Variants in LRRC36 observed in about 807,000 individuals in gnomAD.
LRRC36 encodes leucine rich repeat containing 36.
Under a neutral mutation model 81.1 loss-of-function variants are expected in LRRC36, and 62 were observed. That is an observed-to-expected ratio of 0.76 (90% confidence interval 0.62 to 0.94). The LOEUF is 0.94. Ranked by LOEUF, LRRC36 falls within the 40% of genes least tolerant of loss-of-function variation. The probability of loss-of-function intolerance (pLI) is 0.00; values close to 1 mark genes in which losing one functional copy is unlikely to be tolerated. For missense variants in LRRC36, 761 were observed against 881.7 expected (o/e 0.86, Z 1.73); for synonymous variants, 334 against 348.6 (o/e 0.96, Z 0.47).
In LRRC36 at chr16:67,376,782, G is replaced by A; in HGVS notation, c.1716G>A (p.Arg572=). The change falls in exon 11 of 14, where the codon AGG becomes AGA. Residue 572 remains arginine, a synonymous_variant. Coordinates refer to ENST00000329956, the MANE Select transcript of LRRC36 (RefSeq NM_018296.6). The part of the protein sequence containing the change: ...SLVVPAPSQP[R]CCSHPEDTMK... Reference sequence around the variant, plus strand: ...TAGTCCCGGCTCCTTCTCAGCCGAGGTGTTGCTCACATCCTGAAGACACGA... The same window carrying A: ...TAGTCCCGGCTCCTTCTCAGCCGAGATGTTGCTCACATCCTGAAGACACGA... 1 of 1,614,028 alleles carries A rather than the reference G, an allele frequency of 6.2e-7. No individual in the cohort carries two copies. The highest frequency in any genetic ancestry group is 8.5e-7 in the Non-Finnish European group (1 of 1,179,898).
chr16:67,359,658 C>T (rs1338588199), intron 5 of LRRC36, among the ~76,000 whole-genome samples: 3 of 152,132 alleles, frequency 2.0e-5, no homozygotes, highest in Non-Finnish European at 4.4e-5. Context: ...TAAAGCTTCT[C>T]CCACAGTCAT....
intron 5 of LRRC36, 43 bp from the exon 6 acceptor site, chr16:67,363,547 T>G: frequency 6.2e-7 from 1 of 1,606,770 alleles, no homozygotes; most frequent in Non-Finnish European, 8.5e-7. Flanking sequence ...CTTTGAAGTC[T>G]GGTCAGTGAG....
At chr16:67,366,521 G>A (rs369343095) in intron 7 of LRRC36, among the ~76,000 whole-genome samples, 3 of 151,518 alleles carry the variant, frequency 2.0e-5, no homozygotes, top group South Asian at 2.1e-4. Context: ...AGGCCGAGGC[G>A]GGTGGATCAC....
chr16:67,341,921 G>A (rs1252963353), intron 1 of LRRC36, 36 bp from the exon 2 acceptor site: 1 of 1,574,258 alleles, frequency 6.4e-7, no homozygotes, highest in Non-Finnish European at 8.7e-7. Context: ...GATCCGAGCA[G>A]GGATCATAAT....
intron 1 of LRRC36, among the ~76,000 whole-genome samples, chr16:67,328,625 A>G (rs2037325567): frequency 2.0e-5 from 3 of 152,242 alleles, no homozygotes; most frequent in Admixed American, 1.3e-4. Flanking sequence ...TGTTACCAGT[A>G]TCTTGGATAG....
At chr16:67,362,346 A>G in intron 5 of LRRC36, 1 of 331,554 alleles carries the variant, frequency 3.0e-6, no homozygotes, top group South Asian at 2.2e-5. Context: ...TATTTTTAGT[A>G]GAGACGGGAT....
At chr16:67,370,289 T>C (rs2039577990) in intron 8 of LRRC36, among the ~76,000 whole-genome samples, 1 of 151,964 alleles carries the variant, frequency 6.6e-6, no homozygotes, top group African/African-American at 2.4e-5. Flanking sequence ...TGTTGGAAGT[T>C]TGAAGAGAGA....
intron 2 of LRRC36, among the ~76,000 whole-genome samples, chr16:67,345,133 G>A (rs1156652294): frequency 1.3e-5 from 2 of 151,946 alleles, no homozygotes; most frequent in Non-Finnish European, 2.9e-5. Context: ...GCAACATAGT[G>A]AGACATTGTC....
chr16:67,340,088 G>A (rs540662099), intron 1 of LRRC36, among the ~76,000 whole-genome samples: 14 of 152,154 alleles, frequency 9.2e-5, no homozygotes, highest in African/African-American at 3.1e-4. Flanking sequence ...GTTGCAGTGA[G>A]CCAAGATCGC....
chr16:67,382,581 G>T (rs928393843), intron 13 of LRRC36, among the ~76,000 whole-genome samples: 1 of 152,180 alleles, frequency 6.6e-6, no homozygotes, highest in Admixed American at 6.5e-5. Context: ...CCTCTGGAAA[G>T]TGCCTGCTAT....
At chr16:67,354,744 C>G (rs563341291) in intron 5 of LRRC36, among the ~76,000 whole-genome samples, 146 of 152,268 alleles carry the variant, frequency 9.6e-4, no homozygotes, top group Non-Finnish European at 1.8e-3. Context: ...ATTGGATAAA[C>G]CTGCACTGAC....
At chr16:67,341,644 G>A (rs1008718036) in intron 1 of LRRC36, among the ~76,000 whole-genome samples, 1 of 151,812 alleles carries the variant, frequency 6.6e-6, no homozygotes, top group Non-Finnish European at 1.5e-5. Context: ...AAATTTTGTG[G>A]TTATTATCCA....
intron 12 of LRRC36, among the ~76,000 whole-genome samples, chr16:67,381,187 G>T (rs922946586): frequency 7.2e-6 from 1 of 138,320 alleles, no homozygotes; most frequent in South Asian, 2.3e-4. Context: ...TCCCGCCATT[G>T]CACTTCAGCC....
intron 1 of LRRC36, among the ~76,000 whole-genome samples, chr16:67,328,837 CACTG>C (rs150472587): frequency 0.052 from 7,854 of 152,146 alleles, 597 homozygotes; most frequent in African/African-American, 0.17. Context: ...CAACCCCCTA[CACTG>C]ACTATTTTGA....
At position 67,367,341 on chromosome 16, in the gene LRRC36, A is replaced by G; in HGVS notation, c.1079A>G (p.Tyr360Cys). The G allele has an allele frequency of 1.2e-6, 2 of 1,614,166 alleles. No homozygotes were observed. Among genetic ancestry groups the G allele is most frequent in the Non-Finnish European group, 1.7e-6 (2 of 1,180,012 alleles). The change falls in exon 8 of 14, where the codon TAT (tyrosine) becomes TGT (cysteine). Residue 360 changes from tyrosine to cysteine, a missense_variant. By Grantham distance (194) the Tyr-to-Cys change is radical. This residue lies in a region of LRRC36 where 139 missense variants were observed against 214.0 expected (regional missense o/e 0.65). Coordinates refer to ENST00000329956, the MANE Select transcript of LRRC36 (RefSeq NM_018296.6). ...CAGAGAAGCAAGAACTATCAAGAGT[A>G]TAGCATAAAGCCTTCAAATGACATA... Reference protein sequence around the residue: ...RPQRSKNYQEYSIKPSNDIKT... With the variant: ...RPQRSKNYQECSIKPSNDIKT...
chr16:67,372,517 C>T (rs543909297), intron 9 of LRRC36, among the ~76,000 whole-genome samples: 2 of 152,230 alleles, frequency 1.3e-5, no homozygotes, highest in African/African-American at 4.8e-5. Flanking sequence ...TTTGAATGTT[C>T]ATTTTTCTCC....
In LRRC36 at chr16:67,330,702, A is replaced by G. The variant is rs906154299; in HGVS notation, c.70+3770A>G. Among the ~76,000 whole-genome samples the G allele has an allele frequency of 2.2e-4, 33 of 152,032 alleles. 1 individual carries two copies. Among genetic ancestry groups the G allele is most frequent in the African/African-American group, 7.2e-4 (30 of 41,384 alleles). ...CATGGTGAAACCTCATCTGTACTAA[A>G]AATACAAAAAAAATTAGCCCGGCAT... On this transcript the variant is annotated intron_variant, in intron 1 of 13. Coordinates refer to ENST00000329956, the MANE Select transcript of LRRC36 (RefSeq NM_018296.6).
intron 5 of LRRC36, among the ~76,000 whole-genome samples, chr16:67,361,101 C>A (rs911489949): frequency 1.3e-5 from 2 of 152,130 alleles, no homozygotes; most frequent in African/African-American, 4.8e-5. Context: ...TGCAGTGGCA[C>A]AATCTTGGTT....
At position 67,342,079 on chromosome 16, in the gene LRRC36, C is replaced by T. The variant is rs766417786; in HGVS notation, c.193C>T (p.Leu65Phe). The T allele has an allele frequency of 4.4e-6, 7 of 1,601,078 alleles. No individual in the cohort carries two copies. Among genetic ancestry groups the T allele is most frequent in the Non-Finnish European group, 6.0e-6 (7 of 1,171,674 alleles). ...LDLSRNLITS[L>F]KGIQYLCSLQ... ...TTTATCAAGGAATTTGATCACTAGC[C>T]TTAAGGTAAGTTATATATTCTATGA... The change falls in exon 2 of 14, where the codon CTT (leucine) becomes TTT (phenylalanine). Residue 65 changes from leucine (L) to phenylalanine (F), a missense_variant. Leu to Phe is a conservative substitution (Grantham distance 22, BLOSUM62 0). Around this residue, in one of 3 missense-constraint regions of LRRC36, gnomAD observed 263 missense variants for 279.3 expected, o/e 0.94. Coordinates refer to ENST00000329956, the MANE Select transcript of LRRC36 (RefSeq NM_018296.6).
Sources: allele counts gnomAD v4.1 joint callset (sites outside exome capture counted in the v4.1 genomes callset), GRCh38; gene constraint gnomAD v4.1.1; regional missense constraint gnomAD v4.1.1; transcripts MANE v1.5; gene names NCBI Gene and HGNC (gene_info 2026-07-23, HGNC 2026-07-21).